Variants in UBAP1 observed in about 807,000 individuals in gnomAD.
UBAP1 encodes the protein ubiquitin associated protein 1.
In UBAP1, 5 loss-of-function variants were observed where a neutral mutation model predicts 39.0. That is an observed-to-expected ratio of 0.13 (90% CI 0.07 to 0.27). The LOEUF (loss-of-function observed/expected upper bound fraction) is 0.27, where lower values mean the gene tolerates loss of function less well. Among genes scored for constraint, UBAP1 ranks in the 10% least tolerant of loss-of-function variants. UBAP1 has a pLI of 1.00. For synonymous variants in UBAP1, 211 were observed against 225.1 expected (o/e 0.94, Z 0.56); for missense variants, 490 against 608.1 (o/e 0.81, Z 2.04).
At chr9:34,242,248 CTTA>C in intron 4 of UBAP1, 140 bp downstream of exon 4, 2 of 855,910 alleles carry the variant, frequency 2.3e-6, no homozygotes, top group Non-Finnish European at 3.5e-6. Flanking sequence ...GTGATCGTAC[CTTA>C]TTGTAGCCTC....
intron 1 of UBAP1, among the ~76,000 whole-genome samples, chr9:34,211,382 G>A (rs1384739330): frequency 6.6e-6 from 1 of 152,120 alleles, no homozygotes; most frequent in Non-Finnish European, 1.5e-5. Flanking sequence ...GAAATGTGAT[G>A]ATTCCCAAAG....
chr9:34,195,619 C>T (rs577741754), intron 1 of UBAP1, among the ~76,000 whole-genome samples: 12 of 148,296 alleles, frequency 8.1e-5, no homozygotes, highest in East Asian at 2.0e-4. Context: ...TTTTCTGAGA[C>T]GGAGTTTCAC....
At chr9:34,186,911 A>G (rs541506910) in intron 1 of UBAP1, among the ~76,000 whole-genome samples, 3 of 149,954 alleles carry the variant, frequency 2.0e-5, no homozygotes, top group African/African-American at 7.3e-5. Context: ...TTTATTTTTT[A>G]TTTTTTATTT....
chr9:34,246,707 C>T (rs1439111210), intron 4 of UBAP1, among the ~76,000 whole-genome samples: 1 of 152,194 alleles, frequency 6.6e-6, no homozygotes, highest in Non-Finnish European at 1.5e-5. Context: ...TATGGAAAGA[C>T]TTGGTAGAAG....
intron 1 of UBAP1, 91 bp downstream of exon 1, chr9:34,179,331 G>C: frequency 4.8e-5 from 43 of 895,718 alleles, no homozygotes; most frequent in Non-Finnish European, 5.1e-5. Context: ...GGGATGGGGG[G>C]CCGAGCGAGG....
chr9:34,241,866 G>A lies in UBAP1; in HGVS notation c.841G>A (p.Ala281Thr). Residue 281 changes from alanine (A) to threonine (T), a missense_variant, in exon 4 of 7, where the codon GCC becomes ACC. Physicochemically the swap from Ala to Thr is moderately conservative, Grantham distance 58 (BLOSUM62 0). This residue lies in a region of UBAP1 where 339 missense variants were observed against 390.0 expected (regional missense o/e 0.87). Coordinates refer to ENST00000297661, the MANE Select transcript of UBAP1 (RefSeq NM_016525.5). ...LDSDDSNQKTAKLASTFHSTS... is the reference protein window; with the variant it reads ...LDSDDSNQKTTKLASTFHSTS... ...CTCTGATGACAGCAATCAGAAGACA[G>A]CCAAGCTGGCGAGCACTTTCCATAG... The A allele has an allele frequency of 6.2e-7, 1 of 1,614,134 alleles. No homozygotes were observed. Among genetic ancestry groups the A allele is most frequent in the Non-Finnish European group, 8.5e-7 (1 of 1,180,040 alleles).
At chr9:34,206,681 G>A (rs1348748995) in intron 1 of UBAP1, among the ~76,000 whole-genome samples, 1 of 151,892 alleles carries the variant, frequency 6.6e-6, no homozygotes, top group Admixed American at 6.6e-5. Context: ...ATTTTGGCTC[G>A]CTAGCTGTAT....
At chr9:34,214,161 A>G (rs906193642) in intron 1 of UBAP1, among the ~76,000 whole-genome samples, 3 of 152,226 alleles carry the variant, frequency 2.0e-5, no homozygotes, top group African/African-American at 7.2e-5. Context: ...ACAGAATTAG[A>G]AACAACATTT....
At chr9:34,248,822 A>G (rs748280246) in intron 4 of UBAP1, among the ~76,000 whole-genome samples, 6 of 152,154 alleles carry the variant, frequency 3.9e-5, no homozygotes. Context: ...CTCCCCACCA[A>G]TAAAACAAGG....
intron 2 of UBAP1, among the ~76,000 whole-genome samples, chr9:34,223,168 C>T (rs984240776): frequency 4.7e-4 from 72 of 152,274 alleles, no homozygotes; most frequent in African/African-American, 1.6e-3. Context: ...TGGTGGCTCA[C>T]GCCTGTAATC....
intron 5 of UBAP1, 40 bp from the exon 6 acceptor site, chr9:34,250,618 G>C (rs1275133283): frequency 6.5e-7 from 1 of 1,540,430 alleles, no homozygotes; most frequent in East Asian, 2.3e-5. Context: ...GCACAGCAAA[G>C]AGCAGCAGTA....
At chr9:34,211,030 G>C (rs1831992477) in intron 1 of UBAP1, among the ~76,000 whole-genome samples, 1 of 152,098 alleles carries the variant, frequency 6.6e-6, no homozygotes, top group African/African-American at 2.4e-5. Context: ...AAAAAAATGG[G>C]ATGATGAACA....
In UBAP1 at chr9:34,249,872, C is replaced by T. The variant is rs767729778; in HGVS notation, c.1177C>T (p.Arg393Trp). 1.2e-5 allele frequency: 20 copies of T among 1,614,070 alleles called. No homozygotes were observed. Among genetic ancestry groups the T allele is most frequent in the Admixed American group, 1.7e-5 (1 of 60,000 alleles). ...SELQMLSPSE[R>W]QCVETVVNMG... is the part of the protein sequence containing the mutation. Reference sequence around the variant, plus strand: ...ACTGCAGATGCTGTCCCCCAGCGAGCGGCAGTGTGTGGAGACGGTGGTCAA... The same window carrying T: ...ACTGCAGATGCTGTCCCCCAGCGAGTGGCAGTGTGTGGAGACGGTGGTCAA... Residue 393 changes from arginine (R) to tryptophan (W), a missense_variant, in exon 5 of 7, where the codon CGG becomes TGG. This residue lies in a region of UBAP1 where 339 missense variants were observed against 390.0 expected (regional missense o/e 0.87). Coordinates refer to ENST00000297661, the MANE Select transcript of UBAP1 (RefSeq NM_016525.5).
At chr9:34,190,633 C>CTTTTT (rs563281159) in intron 1 of UBAP1, among the ~76,000 whole-genome samples, 4 of 129,486 alleles carry the variant, frequency 3.1e-5, no homozygotes, top group Non-Finnish European at 5.0e-5. Context: ...TTCTTTCTTT[C>CTTTTT]TTTTTTTTTT....
chr9:34,182,672 TTTC>T (rs1192466939), intron 1 of UBAP1, among the ~76,000 whole-genome samples: 9 of 32,602 alleles, frequency 2.8e-4, no homozygotes, highest in Admixed American at 4.5e-4. Context: ...TCTTTCTTTC[TTTC>T]TTTCTTTCTC....
Position 34,241,530 on chromosome 9 carries a change from C to A in UBAP1, c.505C>A (p.Leu169Met), listed in dbSNP as rs562285027. 9.9e-6 allele frequency: 16 copies of A among 1,614,000 alleles called. No homozygotes were observed. The highest frequency in any genetic ancestry group is 1.4e-5 in the Non-Finnish European group (16 of 1,180,024). Residue 169 changes from leucine (L) to methionine (M), a missense_variant, in exon 4 of 7, where the codon CTG becomes ATG. Physicochemically the swap from Leu to Met is conservative, Grantham distance 15 (BLOSUM62 2). Transcript: ENST00000297661. ...FECEEDPFDN[L>M]ELKTIDEKEE... ...GTGTGAAGAAGACCCATTTGATAAT[C>A]TGGAGTTAAAAACTATTGATGAGAA...
At chr9:34,198,530 T>G (rs1001435699) in intron 1 of UBAP1, among the ~76,000 whole-genome samples, 1 of 152,186 alleles carries the variant, frequency 6.6e-6, no homozygotes, top group Non-Finnish European at 1.5e-5. Flanking sequence ...CCAGGCAGAA[T>G]GTTGACTGTG....
At chr9:34,186,663 C>T (rs930060807) in intron 1 of UBAP1, among the ~76,000 whole-genome samples, 2 of 151,924 alleles carry the variant, frequency 1.3e-5, no homozygotes, top group African/African-American at 4.8e-5. Flanking sequence ...TGTGCTTCTG[C>T]GAAGTGTATA....
At chr9:34,198,343 T>C (rs527348632) in intron 1 of UBAP1, among the ~76,000 whole-genome samples, 1 of 152,338 alleles carries the variant, frequency 6.6e-6, no homozygotes, top group South Asian at 2.1e-4. Context: ...TTTTTTTGCC[T>C]GGATGGGGCT....
Sources: gnomAD v4.1 joint callset for allele counts (sites outside exome capture counted in the v4.1 genomes callset) on GRCh38, gnomAD v4.1.1 for gene constraint, gnomAD v4.1.1 regional missense constraint, MANE v1.5 for transcripts, NCBI Gene and HGNC (gene_info 2026-07-23, HGNC 2026-07-21) for gene names.